ADAMTS16: variants seen among roughly 807,000 people sequenced by gnomAD.
ADAMTS16 encodes A disintegrin and metalloproteinase with thrombospondin motifs 16.
ADAMTS16 carries 94 observed loss-of-function variants against 145.8 expected under a neutral mutation model. The ratio of observed to expected loss-of-function variants is 0.64; its 90% CI spans 0.55 to 0.77. The LOEUF is 0.77. ADAMTS16 is among the 30% of genes least tolerant of loss of function. The probability of loss-of-function intolerance (pLI) is 0.00; values close to 1 mark genes in which losing one functional copy is unlikely to be tolerated. For missense variants in ADAMTS16, 1,585 were observed against 1,591.5 expected, an observed-to-expected ratio of 1.00 and a Z score of 0.07; for synonymous variants, 659 against 604.3, an observed-to-expected ratio of 1.09 and a Z score of -1.33.
rs1375585506 is a variant in ADAMTS16 at position 5,146,296 on chromosome 5, T to C, written c.342T>C (p.Thr114=). The C allele has an allele frequency of 1.9e-6, 3 of 1,614,066 alleles. No individual in the cohort carries two copies. In the African/African-American group the frequency reaches 4.0e-5, roughly 22 times the overall value. ...ACGACTTCCACATGGATCTGAGGAC[T>C]TCCAGCAGCCTAGTGGCTCCTGGCT... ...SRHDFHMDLR[T]SSSLVAPGFI... The change falls in exon 3 of 23, where the codon ACT becomes ACC. Residue 114 remains threonine, a synonymous_variant. Coordinates refer to ENST00000274181, the MANE Select transcript of ADAMTS16 (RefSeq NM_139056.4).
rs1213404696 is a variant in ADAMTS16 at position 5,182,091 on chromosome 5, T to A, written c.549T>A (p.Leu183=). 6.2e-7 allele frequency: 1 copy of A among 1,613,934 alleles called. No homozygotes were observed. Among genetic ancestry groups the A allele is most frequent in the Non-Finnish European group, 8.5e-7 (1 of 1,179,988 alleles). ...AGGCAGATTACTTCCTAAGGCCACTTCCTTCACACCTCTCATGGAAACTCG... is the reference window on the plus strand; with the variant it reads ...AGGCAGATTACTTCCTAAGGCCACTACCTTCACACCTCTCATGGAAACTCG... ...TEEADYFLRP[L]PSHLSWKLGR... The change falls in exon 4 of 23, where the codon CTT becomes CTA. Residue 183 remains leucine (L), a synonymous_variant. Coordinates refer to ENST00000274181, the MANE Select transcript of ADAMTS16 (RefSeq NM_139056.4).
chr5:5,264,757 AC>A (rs1738172428), intron 18 of ADAMTS16, among the ~76,000 whole-genome samples: 1 of 148,464 alleles, frequency 6.7e-6, no homozygotes, highest in Non-Finnish European at 1.5e-5. Flanking sequence ...CTGAACCACC[AC>A]TCCCCACAAT....
chr5:5,248,550 A>T lies in ADAMTS16; in HGVS notation c.2662+6359A>T, dbSNP rs16875143. Among the ~76,000 whole-genome samples the T allele has an allele frequency of 0.015, 2,220 of 152,318 alleles. 176 individuals carry two copies. In the East Asian group the frequency reaches 0.23, roughly 15 times the overall value. The stretch of plus-strand genomic sequence containing the variant: ...CTGCGTGATTCTGGCATTCAAATAG[A>T]TTCTGTGATTTTTCTTTCTGACAAA... On this transcript the variant is annotated intron_variant, in intron 17 of 22. Coordinates refer to ENST00000274181, the MANE Select transcript of ADAMTS16 (RefSeq NM_139056.4).
chr5:5,195,703 A>G (rs1404719389), intron 8 of ADAMTS16, among the ~76,000 whole-genome samples: 1 of 152,224 alleles, frequency 6.6e-6, no homozygotes, highest in Non-Finnish European at 1.5e-5. Context: ...AGTATTCATT[A>G]TTCATCAGTC....
chr5:5,295,383 G>A (rs1417205650), intron 18 of ADAMTS16, among the ~76,000 whole-genome samples: 1 of 147,310 alleles, frequency 6.8e-6, no homozygotes, highest in Non-Finnish European at 1.5e-5. Context: ...CTTTTCTAAT[G>A]CTCATGTTTC....
intron 17 of ADAMTS16, among the ~76,000 whole-genome samples, chr5:5,258,624 A>G (rs192351753): frequency 6.6e-6 from 1 of 152,342 alleles, no homozygotes; most frequent in African/African-American, 2.4e-5. Flanking sequence ...CGAAGCCCAC[A>G]GGCATGGCTG....
chr5:5,294,434 G>A (rs1333134663), intron 18 of ADAMTS16, among the ~76,000 whole-genome samples: 2 of 152,198 alleles, frequency 1.3e-5, no homozygotes, highest in African/African-American at 2.4e-5. Context: ...GGAAGGAGTT[G>A]CAGTTTTGCA....
chr5:5,264,965 C>T (rs1308226306), intron 18 of ADAMTS16, among the ~76,000 whole-genome samples: 1 of 152,166 alleles, frequency 6.6e-6, no homozygotes, highest in Non-Finnish European at 1.5e-5. Context: ...TGGCTGCTGG[C>T]CTTTCCCACC....
chr5:5,231,382 C>G (rs1350897210), intron 11 of ADAMTS16, among the ~76,000 whole-genome samples: 7 of 152,096 alleles, frequency 4.6e-5, no homozygotes, highest in African/African-American at 1.7e-4. Context: ...ATGTGTTACC[C>G]TAATACCTCA....
chr5:5,221,183 G>C (rs1340732488), intron 10 of ADAMTS16, among the ~76,000 whole-genome samples: 1 of 152,050 alleles, frequency 6.6e-6, no homozygotes, highest in Non-Finnish European at 1.5e-5. Flanking sequence ...AAATAGAGCT[G>C]GCCAGTTGTC....
At chr5:5,187,087 G>T (rs1735523032) in intron 5 of ADAMTS16, among the ~76,000 whole-genome samples, 1 of 152,182 alleles carries the variant, frequency 6.6e-6, no homozygotes. Context: ...AGCAAGCACG[G>T]CCCTGTTGTC....
At chr5:5,306,860 T>G in intron 21 of ADAMTS16, 132 bp downstream of exon 21, 1 of 936,576 alleles carries the variant, frequency 1.1e-6, no homozygotes, top group East Asian at 2.7e-5. Flanking sequence ...AGGTTTTCTT[T>G]CCAGAGCATG....
Position 5,235,150 on chromosome 5 carries a change from C to A in ADAMTS16, c.1987C>A (p.Arg663=). Residue 663 remains arginine, a synonymous_variant, in exon 13 of 23, where the codon CGG becomes AGG. Coordinates refer to ENST00000274181, the MANE Select transcript of ADAMTS16 (RefSeq NM_139056.4). ...GCACAACAGCAGACGATTCAGAGGG[C>A]GGCACTACAAGTGGAAGCCTTACAC... The part of the protein sequence containing the change: ...AEHNSRRFRG[R]HYKWKPYTQV... 1 of 1,587,662 alleles carries A rather than the reference C, an allele frequency of 6.3e-7. No homozygotes were observed. Among genetic ancestry groups the A allele is most frequent in the Non-Finnish European group, 8.6e-7 (1 of 1,159,124 alleles).
intron 21 of ADAMTS16, 53 bp from the exon 22 acceptor site, chr5:5,318,081 C>T: frequency 7.6e-7 from 1 of 1,309,728 alleles, no homozygotes. Context: ...CTGAGGTTGA[C>T]CAGGTGCCTG....
chr5:5,245,389 A>G (rs1302299268), intron 17 of ADAMTS16, among the ~76,000 whole-genome samples: 1 of 152,128 alleles, frequency 6.6e-6, no homozygotes, highest in Non-Finnish European at 1.5e-5. Flanking sequence ...ACCTTTGATT[A>G]TTGTTCTCAT....
intron 8 of ADAMTS16, among the ~76,000 whole-genome samples, chr5:5,197,217 A>G (rs16875012): frequency 0.15 from 22,771 of 152,216 alleles, 1,817 homozygotes; most frequent in Middle Eastern, 0.22. Flanking sequence ...TACAGCCTCT[A>G]CAAACACTTG....
At chr5:5,247,669 C>T (rs958044) in intron 17 of ADAMTS16, among the ~76,000 whole-genome samples, 51,128 of 152,200 alleles carry the variant, frequency 0.34, 10,167 homozygotes, top group Middle Eastern at 0.48. Context: ...GTGCAGGTCA[C>T]TTGTACCCAC....
At chr5:5,219,223 C>A (rs573065781) in intron 10 of ADAMTS16, among the ~76,000 whole-genome samples, 1 of 152,080 alleles carries the variant, frequency 6.6e-6, no homozygotes, top group Admixed American at 6.5e-5. Flanking sequence ...AAATGTTCAT[C>A]ATTTATTTGT....
intron 18 of ADAMTS16, among the ~76,000 whole-genome samples, chr5:5,295,234 G>C (rs1739484090): frequency 6.6e-6 from 1 of 152,164 alleles, no homozygotes; most frequent in African/African-American, 2.4e-5. Flanking sequence ...TGAGTGGGAA[G>C]TTGTTTTAAA....
Sources: gnomAD v4.1 joint callset for allele counts (sites outside exome capture counted in the v4.1 genomes callset) on GRCh38, gnomAD v4.1.1 for gene constraint, MANE v1.5 for transcripts, NCBI Gene and HGNC (gene_info 2026-07-23, HGNC 2026-07-21) for gene names.